Variants in AOPEP observed in about 807,000 individuals in gnomAD.
AOPEP encodes the protein aminopeptidase O.
In AOPEP, 77 loss-of-function variants were observed where a neutral mutation model predicts 98.1. The observed-to-expected ratio is 0.78, with a 90% CI of 0.65 to 0.95. The LOEUF (loss-of-function observed/expected upper bound fraction) is 0.95, where lower values mean the gene tolerates loss of function less well. Among genes scored for constraint, AOPEP ranks in the 40% least tolerant of loss-of-function variants. The pLI is 0.00. For missense variants in AOPEP, 1,024 were observed against 1,024.7 expected, an observed-to-expected ratio of 1.00 and a Z score of 0.01; for synonymous variants, 346 against 365.3, an observed-to-expected ratio of 0.95 and a Z score of 0.60.
At chr9:95,084,950 G>A (rs2070426606) in intron 16 of AOPEP, among the ~76,000 whole-genome samples, 1 of 152,206 alleles carries the variant, frequency 6.6e-6, no homozygotes, top group Non-Finnish European at 1.5e-5. Context: ...TAATAGCAAG[G>A]ACAGCTGCCT....
At chr9:94,932,551 T>C (rs1211667659) in intron 7 of AOPEP, 1 of 155,614 alleles carries the variant, frequency 6.4e-6, no homozygotes, top group Non-Finnish European at 1.4e-5. Context: ...TGGCATGATC[T>C]CTGCTCACTG....
chr9:94,906,755 G>A (rs1345561714), intron 5 of AOPEP, among the ~76,000 whole-genome samples: 3 of 152,168 alleles, frequency 2.0e-5, no homozygotes, highest in African/African-American at 7.2e-5. Context: ...CATCAGTTTG[G>A]TTTGCTAATG....
At chr9:95,008,088 G>A (rs1268671987) in intron 13 of AOPEP, among the ~76,000 whole-genome samples, 3 of 152,138 alleles carry the variant, frequency 2.0e-5, no homozygotes, top group African/African-American at 4.8e-5. Context: ...TTGTATTAGT[G>A]TAAAATAAAA....
At chr9:94,912,996 T>C (rs1422628394) in intron 5 of AOPEP, among the ~76,000 whole-genome samples, 1 of 152,246 alleles carries the variant, frequency 6.6e-6, no homozygotes, top group East Asian at 1.9e-4. Flanking sequence ...TTTTGTTACT[T>C]GCAGCTGAAT....
At chr9:94,940,432 C>A (rs1383375346) in intron 7 of AOPEP, among the ~76,000 whole-genome samples, 1 of 151,860 alleles carries the variant, frequency 6.6e-6, no homozygotes, top group Non-Finnish European at 1.5e-5. Flanking sequence ...ATGGTGAAAC[C>A]CCATCTCCAC....
At chr9:94,999,518 C>G (rs2061432029) in intron 11 of AOPEP, among the ~76,000 whole-genome samples, 1 of 152,192 alleles carries the variant, frequency 6.6e-6, no homozygotes, top group Non-Finnish European at 1.5e-5. Flanking sequence ...AAATTACTAT[C>G]TAATGGAATA....
chr9:94,773,146 C>G lies in AOPEP; in HGVS notation c.942C>G (p.Ala314=). 1 of 1,614,012 alleles carries G rather than the reference C, an allele frequency of 6.2e-7. No individual in the cohort carries two copies. The highest frequency in any genetic ancestry group is 8.5e-7 in the Non-Finnish European group (1 of 1,179,984). ...TTTTAATGAGTGGGGAAAATTCTGC[C>G]AAACCAACGCAGCTTTGGGAAGGTA... ...FVVLMSGENS[A]KPTQLWEECS... The change falls in exon 3 of 17, where the codon GCC becomes GCG. Residue 314 remains alanine, a synonymous_variant. Coordinates refer to ENST00000375315, the MANE Select transcript of AOPEP (RefSeq NM_001193329.3).
At chr9:95,124,324 T>C in the AOPEP span, among the ~76,000 whole-genome samples, 1 of 152,110 alleles carries the variant, frequency 6.6e-6, no homozygotes, top group Admixed American at 6.6e-5. Context: ...TAAACATTAC[T>C]TCTGTGGCCG....
At chr9:95,101,481 C>T in the AOPEP span, 1 of 599,990 alleles carries the variant, frequency 1.7e-6, no homozygotes, top group Non-Finnish European at 2.9e-6. Flanking sequence ...ACCGAAGGCT[C>T]ACTTGAGTCA....
At chr9:95,125,459 G>T in the AOPEP span, among the ~76,000 whole-genome samples, 1 of 152,078 alleles carries the variant, frequency 6.6e-6, no homozygotes, top group African/African-American at 2.4e-5. Context: ...TGCATACTCT[G>T]TACAAATATT....
At chr9:94,825,125 G>T (rs1854204226) in intron 5 of AOPEP, among the ~76,000 whole-genome samples, 1 of 152,132 alleles carries the variant, frequency 6.6e-6, no homozygotes, top group Non-Finnish European at 1.5e-5. Context: ...AGGAGGGAGA[G>T]AATGGAGGAG....
the AOPEP span, among the ~76,000 whole-genome samples, chr9:95,133,953 T>A: frequency 7.2e-5 from 11 of 152,366 alleles, no homozygotes; most frequent in South Asian, 4.1e-4. Context: ...CCTTAATATA[T>A]GACTCTTCCG....
At position 95,004,227 on chromosome 9, in the gene AOPEP, C is replaced by T. The variant is rs1445157623; in HGVS notation, c.1978-931C>T. 8.8e-6 allele frequency: 4 copies of T among 456,478 alleles called. No homozygotes were observed. In the East Asian group the frequency reaches 2.8e-4, roughly 32 times the overall value. The allele number at this position is 456,478 out of a possible 1,614,324, so 28.3% of individuals were successfully genotyped here. A position where few individuals can be genotyped will look rare whatever the true frequency, so the allele number is the denominator to read the frequency against. On this transcript the variant is annotated intron_variant, in intron 11 of 16. Transcript: ENST00000375315. ...AGGCGGGTTCCAGCAACTGCTGATG[C>T]GGATGAGAAGGCCTTTGGCGGGTGG...
chr9:94,744,007 C>T (rs1403606473), intron 1 of AOPEP, among the ~76,000 whole-genome samples: 1 of 152,046 alleles, frequency 6.6e-6, no homozygotes, highest in East Asian at 1.9e-4. Context: ...TTCCTCTAGT[C>T]CACACTCGGT....
chr9:94,751,379 A>G (rs1835733994), intron 1 of AOPEP, among the ~76,000 whole-genome samples: 1 of 152,244 alleles, frequency 6.6e-6, no homozygotes, highest in South Asian at 2.1e-4. Flanking sequence ...TAAATAATCA[A>G]GCAGACACAT....
chr9:94,822,600 A>G (rs951101961), intron 5 of AOPEP, among the ~76,000 whole-genome samples: 3 of 151,910 alleles, frequency 2.0e-5, no homozygotes, highest in Non-Finnish European at 4.4e-5. Context: ...TATAACTTCT[A>G]TTTTCCTATT....
At chr9:94,768,487 C>CA (rs1487027639) in intron 2 of AOPEP, among the ~76,000 whole-genome samples, 1 of 152,244 alleles carries the variant, frequency 6.6e-6, no homozygotes, top group Non-Finnish European at 1.5e-5. Context: ...GACTAGCAAA[C>CA]ACGTTAGTCC....
intron 7 of AOPEP, among the ~76,000 whole-genome samples, chr9:94,952,089 C>T (rs1343640724): frequency 6.6e-6 from 1 of 152,198 alleles, no homozygotes; most frequent in Non-Finnish European, 1.5e-5. Flanking sequence ...GGATTTGCCA[C>T]AGCCCTTCCT....
chr9:95,013,688 C>G (rs1277856893), intron 13 of AOPEP, among the ~76,000 whole-genome samples: 1 of 152,156 alleles, frequency 6.6e-6, no homozygotes, highest in African/African-American at 2.4e-5. Context: ...CTTAGAACAG[C>G]TATAGTCCTG....
Sources: gnomAD v4.1 joint callset for allele counts (sites outside exome capture counted in the v4.1 genomes callset) on GRCh38, gnomAD v4.1.1 for gene constraint, MANE v1.5 for transcripts, NCBI Gene and HGNC (gene_info 2026-07-23, HGNC 2026-07-21) for gene names.